Variants in SNTB1 observed in about 807,000 individuals in gnomAD.
SNTB1 encodes the protein syntrophin beta 1, also known as beta-1-syntrophin.
In SNTB1, 36 loss-of-function variants were observed where a neutral mutation model predicts 48.9. The observed-to-expected ratio is 0.74, with a 90% CI of 0.56 to 0.97. The LOEUF is 0.97. SNTB1 is among the 50% of genes least tolerant of loss of function. SNTB1 has a pLI of 0.00. For missense variants in SNTB1, 786 were observed against 703.4 expected (o/e 1.12, Z -1.33); for synonymous variants, 299 against 294.6 (o/e 1.01, Z -0.15).
At chr8:120,742,487 AG>A (rs1191213519) in intron 1 of SNTB1, among the ~76,000 whole-genome samples, 1 of 152,176 alleles carries the variant, frequency 6.6e-6, no homozygotes, top group African/African-American at 2.4e-5. Flanking sequence ...CAGGAAGCAA[AG>A]GGATCGAGTC....
chr8:120,675,000 G>A lies in SNTB1; in HGVS notation c.788+18692C>T, dbSNP rs370257291. Among the ~76,000 whole-genome samples the A allele has an allele frequency of 1.0e-3, 158 of 152,280 alleles. 3 individuals carry two copies. In the South Asian group the frequency reaches 0.031, roughly 30 times the overall value. On this transcript the variant is annotated intron_variant, in intron 2 of 6. Coordinates refer to ENST00000517992, the MANE Select transcript of SNTB1 (RefSeq NM_021021.4). Reference sequence around the variant, plus strand: ...CAAACAGAGACAAAGGTTCCTTTTCGAACAAAGGTATCTTTAGACCCAGAA... The same window carrying A: ...CAAACAGAGACAAAGGTTCCTTTTCAAACAAAGGTATCTTTAGACCCAGAA...
intron 1 of SNTB1, among the ~76,000 whole-genome samples, chr8:120,789,343 A>C (rs1392219056): frequency 1.3e-5 from 2 of 151,958 alleles, no homozygotes; most frequent in Admixed American, 1.3e-4. Context: ...TAGAAAAAAA[A>C]AGAACACACC....
intron 1 of SNTB1, among the ~76,000 whole-genome samples, chr8:120,777,662 T>A (rs897019668): frequency 2.6e-5 from 4 of 152,122 alleles, no homozygotes; most frequent in Non-Finnish European, 5.9e-5. Flanking sequence ...AAGCCACAGG[T>A]GACTGGAAAA....
chr8:120,718,921 G>T (rs558302918), intron 1 of SNTB1, among the ~76,000 whole-genome samples: 2 of 152,288 alleles, frequency 1.3e-5, no homozygotes, highest in South Asian at 4.1e-4. Context: ...TAGGTTCAGA[G>T]CGACTGTGAT....
At chr8:120,603,238 A>C (rs1816452844) in intron 3 of SNTB1, among the ~76,000 whole-genome samples, 1 of 152,000 alleles carries the variant, frequency 6.6e-6, no homozygotes, top group Non-Finnish European at 1.5e-5. Context: ...AATAGCTGGG[A>C]CTACAGGTGC....
chr8:120,568,677 A>G (rs992605530), intron 4 of SNTB1, among the ~76,000 whole-genome samples: 2 of 152,198 alleles, frequency 1.3e-5, no homozygotes, highest in Non-Finnish European at 2.9e-5. Context: ...GGAGCAGGCA[A>G]AAGCTCACCT....
At chr8:120,739,516 C>G (rs1819008115) in intron 1 of SNTB1, among the ~76,000 whole-genome samples, 1 of 152,084 alleles carries the variant, frequency 6.6e-6, no homozygotes, top group Non-Finnish European at 1.5e-5. Context: ...GGAGAGCAGC[C>G]CATGCAGGAT....
chr8:120,658,127 G>T lies in SNTB1; in HGVS notation c.789-25476C>A, dbSNP rs1817529933. 2.6e-5 allele frequency among the ~76,000 whole-genome samples: 4 copies of T among 152,252 alleles called. No individual in the cohort carries two copies. In the South Asian group the frequency reaches 8.3e-4, roughly 32 times the overall value. On this transcript the variant is annotated intron_variant, in intron 2 of 6. Coordinates refer to ENST00000517992, the MANE Select transcript of SNTB1 (RefSeq NM_021021.4). ...GTGAGGGTACAGGAGGAGAAAATGG[G>T]AGAGGATACAGATAAAAGCATTGTG... is the stretch of plus-strand genomic sequence containing the variant.
intron 1 of SNTB1, chr8:120,775,240 A>G (rs1295624930): frequency 6.6e-6 from 1 of 151,508 alleles, no homozygotes; most frequent in African/African-American, 2.5e-5. Context: ...TCTCTTTCTC[A>G]TATAGTTGGG....
chr8:120,538,422 C>A lies in SNTB1; in HGVS notation c.*455G>T. 1 of 197,088 alleles carries A rather than the reference C, an allele frequency of 5.1e-6. No individual in the cohort carries two copies. The highest frequency in any genetic ancestry group is 1.1e-5 in the Non-Finnish European group (1 of 90,820). 12.2% of individuals were successfully genotyped at this position (197,088 alleles called of 1,614,324 possible). On this transcript the variant is annotated 3_prime_UTR_variant, in exon 7 of 7. Transcript: ENST00000517992. The stretch of plus-strand genomic sequence containing the variant: ...ACTCAGCAAGAATTAGGAAATAAAT[C>A]ACAATAAGAAAAGGGATCACTGTTA...
At chr8:120,649,865 C>T (rs370259812) in intron 2 of SNTB1, among the ~76,000 whole-genome samples, 3 of 152,214 alleles carry the variant, frequency 2.0e-5, no homozygotes, top group African/African-American at 4.8e-5. Flanking sequence ...GATATAATCT[C>T]GTGGTGTGCC....
At chr8:120,651,545 A>G (rs1817411191) in intron 2 of SNTB1, among the ~76,000 whole-genome samples, 1 of 152,326 alleles carries the variant, frequency 6.6e-6, no homozygotes, top group East Asian at 1.9e-4. Flanking sequence ...GTGAAAAGAG[A>G]TGAGAATGGT....
intron 3 of SNTB1, among the ~76,000 whole-genome samples, chr8:120,580,505 A>G (rs886664132): frequency 6.6e-6 from 1 of 152,188 alleles, no homozygotes; most frequent in African/African-American, 2.4e-5. Flanking sequence ...GCTCACCTCA[A>G]GACACTGTTT....
intron 3 of SNTB1, among the ~76,000 whole-genome samples, chr8:120,598,023 T>C (rs1050680946): frequency 1.3e-5 from 2 of 152,210 alleles, no homozygotes; most frequent in African/African-American, 2.4e-5. Flanking sequence ...AAGAGTAAAC[T>C]TTTTTCTGTT....
chr8:120,578,926 C>T (rs1815993409), intron 3 of SNTB1, among the ~76,000 whole-genome samples: 1 of 152,164 alleles, frequency 6.6e-6, no homozygotes, highest in South Asian at 2.1e-4. Context: ...CCTATAATCC[C>T]AGCACTTTGG....
chr8:120,713,827 T>C (rs551665574), intron 1 of SNTB1, among the ~76,000 whole-genome samples: 4 of 152,206 alleles, frequency 2.6e-5, no homozygotes, highest in Non-Finnish European at 5.9e-5. Context: ...ACTTATGTTG[T>C]GGTGTGTAAT....
intron 2 of SNTB1, among the ~76,000 whole-genome samples, chr8:120,676,306 T>G (rs964870378): frequency 6.6e-6 from 1 of 152,214 alleles, no homozygotes; most frequent in Non-Finnish European, 1.5e-5. Flanking sequence ...CTGGTAAAAC[T>G]CATCTTATTC....
At chr8:120,698,222 G>T (rs1487667983) in intron 1 of SNTB1, among the ~76,000 whole-genome samples, 1 of 151,940 alleles carries the variant, frequency 6.6e-6, no homozygotes, top group Non-Finnish European at 1.5e-5. Context: ...TAATGGCTTA[G>T]GTTTTTCTGT....
chr8:120,738,545 T>TTTCCTTCCTTCCTCCC (rs1818988239), intron 1 of SNTB1, among the ~76,000 whole-genome samples: 1 of 135,728 alleles, frequency 7.4e-6, no homozygotes, highest in African/African-American at 3.0e-5. Flanking sequence ...TCCTTCCTTC[T>TTTCCTTCCTTCCTCCC]TTCCTTCCTT....
Sources: allele counts gnomAD v4.1 joint callset (sites outside exome capture counted in the v4.1 genomes callset), GRCh38; gene constraint gnomAD v4.1.1; transcripts MANE v1.5; gene names NCBI Gene and HGNC (gene_info 2026-07-23, HGNC 2026-07-21).